DPP10: variants seen among roughly 807,000 people sequenced by gnomAD.
DPP10 encodes the protein dipeptidyl peptidase like 10.
Under a neutral mutation model 120.9 loss-of-function variants are expected in DPP10, and 33 were observed. That is an observed-to-expected ratio of 0.27 (90% CI 0.21 to 0.37). DPP10 has a LOEUF of 0.37. DPP10 is among the 10% of genes least tolerant of loss of function. The pLI is 1.00. For missense variants in DPP10, 816 were observed against 942.8 expected (o/e 0.87, Z 1.76); for synonymous variants, 337 against 326.1 (o/e 1.03, Z -0.36).
At chr2:114,993,033 C>G (rs1285233126) in intron 1 of DPP10, among the ~76,000 whole-genome samples, 1 of 152,138 alleles carries the variant, frequency 6.6e-6, no homozygotes, top group Non-Finnish European at 1.5e-5. Context: ...ATGTCATACC[C>G]TTTAATGTGT....
chr2:114,452,361 CG>C (rs35010858), intron 1 of DPP10, among the ~76,000 whole-genome samples: 16 of 152,122 alleles, frequency 1.1e-4, no homozygotes, highest in African/African-American at 3.6e-4. Context: ...TCCAAGTGGT[CG>C]GGGGTGATCT....
intron 24 of DPP10, among the ~76,000 whole-genome samples, chr2:115,839,673 C>CAAAAAAAA (rs57734176): frequency 1.1e-5 from 1 of 90,530 alleles, no homozygotes; most frequent in African/African-American, 4.0e-5. Context: ...GACTCCATCT[C>CAAAAAAAA]AAAAAAAAAA....
At chr2:114,644,317 C>G (rs1028333567) in intron 1 of DPP10, among the ~76,000 whole-genome samples, 12 of 150,178 alleles carry the variant, frequency 8.0e-5, no homozygotes, top group African/African-American at 3.0e-4. Flanking sequence ...GTAGTCCTAC[C>G]TAATATAGTT....
intron 13 of DPP10, among the ~76,000 whole-genome samples, chr2:115,773,922 G>C (rs1205227493): frequency 6.6e-6 from 1 of 152,066 alleles, no homozygotes; most frequent in Non-Finnish European, 1.5e-5. Flanking sequence ...TATGCAAAAT[G>C]AGGGTTCAAC....
At chr2:115,736,688 G>A (rs1181311897) in intron 8 of DPP10, among the ~76,000 whole-genome samples, 1 of 152,016 alleles carries the variant, frequency 6.6e-6, no homozygotes, top group South Asian at 2.1e-4. Flanking sequence ...GAAATATTTT[G>A]TGGCAAAAAA....
intron 1 of DPP10, among the ~76,000 whole-genome samples, chr2:114,712,992 CTT>C (rs70937300): frequency 2.2e-4 from 29 of 132,566 alleles, no homozygotes; most frequent in Admixed American, 3.2e-4. Flanking sequence ...TAACCAAATT[CTT>C]TTTTTTTTTT....
chr2:115,611,790 A>G (rs1274730928), intron 5 of DPP10, among the ~76,000 whole-genome samples: 1 of 152,088 alleles, frequency 6.6e-6, no homozygotes, highest in Non-Finnish European at 1.5e-5. Flanking sequence ...GGTTGCCTTG[A>G]TGAAGTCACT....
chr2:115,382,303 TG>T (rs1559516400), intron 3 of DPP10, among the ~76,000 whole-genome samples: 1 of 152,002 alleles, frequency 6.6e-6, no homozygotes, highest in East Asian at 1.9e-4. Context: ...AGTATTAGGG[TG>T]GGAGTGACCT....
At chr2:115,093,073 T>G (rs574923936) in intron 1 of DPP10, among the ~76,000 whole-genome samples, 8 of 152,116 alleles carry the variant, frequency 5.3e-5, no homozygotes, top group Non-Finnish European at 1.0e-4. Context: ...AACTAGGAAA[T>G]AGTAGAGATA....
At chr2:115,383,756 G>T (rs2066623828) in intron 3 of DPP10, among the ~76,000 whole-genome samples, 1 of 151,926 alleles carries the variant, frequency 6.6e-6, no homozygotes, top group Non-Finnish European at 1.5e-5. Flanking sequence ...TTTTTAATGT[G>T]TATCTCTTAT....
chr2:114,837,333 C>T (rs1390277855), intron 1 of DPP10, among the ~76,000 whole-genome samples: 1 of 152,120 alleles, frequency 6.6e-6, no homozygotes, highest in African/African-American at 2.4e-5. Context: ...CCGGTCCCTC[C>T]GTTCCGGGTC....
intron 1 of DPP10, among the ~76,000 whole-genome samples, chr2:114,598,778 A>C (rs768114263): frequency 2.0e-5 from 3 of 151,918 alleles, no homozygotes; most frequent in Non-Finnish European, 4.4e-5. Flanking sequence ...TGGGGGCAGA[A>C]TCTGGGAGAA....
intron 1 of DPP10, among the ~76,000 whole-genome samples, chr2:114,843,237 G>A (rs1182367518): frequency 1.3e-5 from 2 of 152,020 alleles, no homozygotes; most frequent in Non-Finnish European, 2.9e-5. Flanking sequence ...GCCAAAGCAA[G>A]CACAAAATCT....
rs563165334 is a variant in DPP10, at chr2:114,924,790, C to A, written c.61-384449C>A. 2.8e-3 allele frequency among the ~76,000 whole-genome samples: 419 copies of A among 151,596 alleles called. 3 individuals are homozygous for A. Among genetic ancestry groups the A allele is most frequent in the African/African-American group, 1.0e-2 (413 of 41,348 alleles). On this transcript the variant is annotated intron_variant, in intron 1 of 25. Coordinates refer to ENST00000410059, the MANE Select transcript of DPP10 (RefSeq NM_020868.6). Reference sequence around the variant, plus strand: ...AACACAAAACACAGCAAAAAAAAGACAAAAAAACAAAAAACAAAAACAAAA... The same window carrying A: ...AACACAAAACACAGCAAAAAAAAGAAAAAAAAACAAAAAACAAAAACAAAA...
intron 21 of DPP10, among the ~76,000 whole-genome samples, chr2:115,832,593 T>A (rs1689043740): frequency 2.0e-5 from 3 of 152,350 alleles, no homozygotes; most frequent in Admixed American, 6.5e-5. Context: ...TAGAATTTTA[T>A]TCAACAGCTT....
intron 1 of DPP10, among the ~76,000 whole-genome samples, chr2:114,559,116 C>T (rs909784497): frequency 6.6e-6 from 1 of 152,190 alleles, no homozygotes; most frequent in Admixed American, 6.5e-5. Context: ...CAGAATAATG[C>T]CCCTTCCTCA....
chr2:114,542,338 G>T (rs933603494), intron 1 of DPP10, among the ~76,000 whole-genome samples: 1 of 151,946 alleles, frequency 6.6e-6, no homozygotes, highest in African/African-American at 2.4e-5. Flanking sequence ...ATGAGCCACC[G>T]TGCCTGGCCG....
intron 21 of DPP10, 118 bp from the exon 22 acceptor site, chr2:115,836,039 T>C (rs1025832650): frequency 3.1e-5 from 16 of 519,220 alleles, no homozygotes; most frequent in African/African-American, 2.0e-4. Context: ...GTACCAAACA[T>C]TGATCAAAAG....
At chr2:115,502,766 C>G (rs938772920) in intron 4 of DPP10, among the ~76,000 whole-genome samples, 6 of 152,102 alleles carry the variant, frequency 3.9e-5, no homozygotes, top group Non-Finnish European at 5.9e-5. Flanking sequence ...AATCATAGCT[C>G]ACTGCAGTCT....
Sources: gnomAD v4.1 joint callset for allele counts (sites outside exome capture counted in the v4.1 genomes callset) on GRCh38, gnomAD v4.1.1 for gene constraint, MANE v1.5 for transcripts, NCBI Gene and HGNC (gene_info 2026-07-23, HGNC 2026-07-21) for gene names.